MAF: variants seen among roughly 807,000 people sequenced by gnomAD.
The protein encoded by MAF is transcription factor Maf.
Under a neutral mutation model 22.0 loss-of-function variants are expected in MAF, and 10 were observed. The observed-to-expected ratio is 0.45, with a 90% CI of 0.28 to 0.77. The LOEUF is 0.77. Ranked by LOEUF, MAF falls within the 30% of genes least tolerant of loss-of-function variation. The pLI is 0.12. For missense variants in MAF, 544 were observed against 548.4 expected, an observed-to-expected ratio of 0.99 and a Z score of 0.08; for synonymous variants, 337 against 255.8, an observed-to-expected ratio of 1.32 and a Z score of -3.03.
chr16:79,469,243 G>C, the MAF span, among the ~76,000 whole-genome samples: 1 of 152,198 alleles, frequency 6.6e-6, no homozygotes, highest in Non-Finnish European at 1.5e-5. Context: ...CAATGGCAGA[G>C]TTGAGCGGTT....
the MAF span, among the ~76,000 whole-genome samples, chr16:79,481,209 T>C: frequency 6.8e-6 from 1 of 147,956 alleles, no homozygotes; most frequent in African/African-American, 2.5e-5. Context: ...CACACTCCTT[T>C]ACTCTTTGTT....
At chr16:79,340,826 C>T in the MAF span, among the ~76,000 whole-genome samples, 1 of 152,102 alleles carries the variant, frequency 6.6e-6, no homozygotes, top group Non-Finnish European at 1.5e-5. Flanking sequence ...AGCAAATCGC[C>T]CCCTCATTCC....
the MAF span, among the ~76,000 whole-genome samples, chr16:79,367,002 C>A: frequency 1.3e-5 from 2 of 152,292 alleles, no homozygotes; most frequent in Non-Finnish European, 2.9e-5. Flanking sequence ...CCTAACTCCT[C>A]ATGAAAATGC....
chr16:79,523,979 G>A, the MAF span, among the ~76,000 whole-genome samples: 1 of 151,984 alleles, frequency 6.6e-6, no homozygotes, highest in African/African-American at 2.4e-5. Flanking sequence ...TGTGATCATC[G>A]GCATGAAATT....
the MAF span, among the ~76,000 whole-genome samples, chr16:79,234,477 G>A: frequency 6.6e-6 from 1 of 152,036 alleles, no homozygotes; most frequent in African/African-American, 2.4e-5. Flanking sequence ...GTAAAATAGT[G>A]TATTATTCAT....
At chr16:79,385,174 C>A in the MAF span, among the ~76,000 whole-genome samples, 3 of 152,252 alleles carry the variant, frequency 2.0e-5, no homozygotes, top group African/African-American at 7.2e-5. Flanking sequence ...ATGATCAAGT[C>A]ACCTGTTCAT....
chr16:79,487,600 C>T, the MAF span, among the ~76,000 whole-genome samples: 1 of 152,114 alleles, frequency 6.6e-6, no homozygotes, highest in Non-Finnish European at 1.5e-5. Context: ...CGTTTGGATC[C>T]ACTCCAAAGA....
the MAF span, among the ~76,000 whole-genome samples, chr16:79,310,307 C>G: frequency 6.6e-6 from 1 of 151,994 alleles, no homozygotes; most frequent in Non-Finnish European, 1.5e-5. Context: ...AAGAAGTCAT[C>G]TATTTGCAAA....
At chr16:79,518,996 A>G in the MAF span, among the ~76,000 whole-genome samples, 2 of 152,228 alleles carry the variant, frequency 1.3e-5, no homozygotes, top group Non-Finnish European at 1.5e-5. Flanking sequence ...TACTTACACA[A>G]GAACTATAAG....
chr16:79,461,137 G>C, the MAF span, among the ~76,000 whole-genome samples: 1 of 152,152 alleles, frequency 6.6e-6, no homozygotes, highest in African/African-American at 2.4e-5. Flanking sequence ...TAGAGCTTAT[G>C]TGTGTTTTGT....
chr16:79,439,859 A>G, the MAF span, among the ~76,000 whole-genome samples: 2 of 152,226 alleles, frequency 1.3e-5, no homozygotes, highest in Non-Finnish European at 2.9e-5. Flanking sequence ...AAAGAGACCA[A>G]TATATTAATC....
downstream of MAF, chr16:79,585,809 A>G (rs1489218318): frequency 8.8e-6 from 5 of 566,088 alleles, no homozygotes; most frequent in East Asian, 6.0e-5. Flanking sequence ...TTTTCCCTTC[A>G]TTTAAAAAAA....
the MAF span, among the ~76,000 whole-genome samples, chr16:79,575,188 G>A: frequency 6.6e-6 from 1 of 152,022 alleles, no homozygotes; most frequent in African/African-American, 2.4e-5. Flanking sequence ...CTCTTCTAAA[G>A]GGGTGCACAT....
the MAF span, among the ~76,000 whole-genome samples, chr16:79,493,952 G>C: frequency 1.3e-5 from 2 of 150,724 alleles, no homozygotes; most frequent in African/African-American, 4.9e-5. Context: ...GGTTACATAA[G>C]GATTTCCCTG....
chr16:79,529,253 G>C, the MAF span, among the ~76,000 whole-genome samples: 3 of 152,166 alleles, frequency 2.0e-5, no homozygotes, highest in Non-Finnish European at 4.4e-5. Flanking sequence ...AAAACCAGGG[G>C]AGGGAGATTA....
chr16:79,569,062 C>T, the MAF span, among the ~76,000 whole-genome samples: 8 of 152,188 alleles, frequency 5.3e-5, no homozygotes, highest in Non-Finnish European at 1.2e-4. Context: ...CCTGCAGGAT[C>T]TCATTCATTC....
the MAF span, among the ~76,000 whole-genome samples, chr16:79,359,820 T>G: frequency 6.6e-6 from 1 of 152,040 alleles, no homozygotes; most frequent in East Asian, 1.9e-4. Flanking sequence ...GTCCAGAAGC[T>G]GGGGACAGTG....
At chr16:79,556,591 A>G in the MAF span, among the ~76,000 whole-genome samples, 3 of 152,206 alleles carry the variant, frequency 2.0e-5, no homozygotes, top group Non-Finnish European at 4.4e-5. Context: ...TGAATATATA[A>G]CACAAATTAT....
At chr16:79,267,887 T>C in the MAF span, among the ~76,000 whole-genome samples, 1 of 150,786 alleles carries the variant, frequency 6.6e-6, no homozygotes, top group Non-Finnish European at 1.5e-5. Flanking sequence ...GAGGATGGGG[T>C]GGGCTGGGGA....
Sources: gnomAD v4.1 joint callset for allele counts (sites outside exome capture counted in the v4.1 genomes callset) on GRCh38, gnomAD v4.1.1 for gene constraint, MANE v1.5 for transcripts, NCBI Gene and HGNC (gene_info 2026-07-23, HGNC 2026-07-21) for gene names.